TMTC2: variants seen among roughly 807,000 people sequenced by gnomAD.
The protein encoded by TMTC2 is protein O-mannosyl-transferase TMTC2.
TMTC2 carries 43 observed loss-of-function variants against 82.4 expected under a neutral mutation model. That is an observed-to-expected ratio of 0.52 (90% CI 0.41 to 0.67). The LOEUF is 0.67. TMTC2 is among the 30% of genes least tolerant of loss of function. The probability of loss-of-function intolerance (pLI) is 0.00; values close to 1 mark genes in which losing one functional copy is unlikely to be tolerated. For synonymous variants in TMTC2, 408 were observed against 381.9 expected, an observed-to-expected ratio of 1.07 and a Z score of -0.80; for missense variants, 919 against 1,012.4, an observed-to-expected ratio of 0.91 and a Z score of 1.25.
intron 1 of TMTC2, among the ~76,000 whole-genome samples, chr12:82,729,698 G>T (rs1874666376): frequency 6.6e-6 from 1 of 152,218 alleles, no homozygotes; most frequent in Admixed American, 6.5e-5. Flanking sequence ...GCAGGATGTG[G>T]GTGGGGCCAG....
intron 4 of TMTC2, among the ~76,000 whole-genome samples, chr12:82,932,254 G>A (rs938313483): frequency 3.9e-5 from 6 of 152,094 alleles, no homozygotes; most frequent in African/African-American, 7.2e-5. Flanking sequence ...GTTTAACCTC[G>A]TAGGCTTTAA....
In TMTC2 at chr12:82,967,016, C is replaced by T; in HGVS notation, c.1948+19C>T. The stretch of plus-strand genomic sequence containing the variant: ...ATGATGGGTAAGTAAAACATTAACA[C>T]TTTTAAATTGATATTTCAGGGACCT... On this transcript the variant is annotated intron_variant, in intron 7 of 11. Transcript: ENST00000321196. The T allele has an allele frequency of 6.3e-7, 1 of 1,589,862 alleles. No homozygotes were observed. Among genetic ancestry groups the T allele is most frequent in the Non-Finnish European group, 8.6e-7 (1 of 1,162,542 alleles).
chr12:82,796,666 C>A (rs896916709), intron 1 of TMTC2, among the ~76,000 whole-genome samples: 1 of 152,114 alleles, frequency 6.6e-6, no homozygotes, highest in African/African-American at 2.4e-5. Flanking sequence ...GCCTCCTCCT[C>A]AGCAGCCTCT....
chr12:83,038,373 C>T (rs531887537), intron 9 of TMTC2, among the ~76,000 whole-genome samples: 9 of 151,844 alleles, frequency 5.9e-5, no homozygotes, highest in African/African-American at 1.5e-4. Context: ...TAAATTATAA[C>T]GAATTCCCTC....
rs776234950 is a variant in TMTC2 at position 83,134,198 on chromosome 12, T to C, written c.*1809T>C. ...AAGTTAAATTATAACTAAATCACTG[T>C]GTTTTCAGAATGATATTTAACAACA... On this transcript the variant is annotated 3_prime_UTR_variant, in exon 12 of 12. Transcript: ENST00000321196. 3 of 152,532 alleles carry C rather than the reference T, an allele frequency of 2.0e-5. No individual in the cohort carries two copies. The highest frequency in any genetic ancestry group is 4.8e-5 in the African/African-American group (2 of 41,410). 9.4% of individuals were successfully genotyped at this position (152,532 alleles called of 1,614,324 possible). A position where few individuals can be genotyped will look rare whatever the true frequency, so the allele number is the denominator to read the frequency against.
At chr12:83,067,409 A>C (rs1037575122) in intron 11 of TMTC2, among the ~76,000 whole-genome samples, 2 of 152,022 alleles carry the variant, frequency 1.3e-5, no homozygotes, top group South Asian at 4.1e-4. Flanking sequence ...GTGTGTGTGC[A>C]TGTGAATATG....
intron 1 of TMTC2, among the ~76,000 whole-genome samples, chr12:82,815,149 ATTTC>A (rs1446722243): frequency 6.8e-6 from 1 of 146,114 alleles, no homozygotes; most frequent in Non-Finnish European, 1.5e-5. Context: ...TGGTTCATGC[ATTTC>A]TTTCTTTTAT....
intron 8 of TMTC2, among the ~76,000 whole-genome samples, chr12:83,011,799 T>C (rs1490016554): frequency 6.6e-6 from 1 of 152,234 alleles, no homozygotes; most frequent in East Asian, 1.9e-4. Context: ...CTTCCAGGCT[T>C]CTTATTGCAT....
chr12:82,766,270 A>G (rs897309846), intron 1 of TMTC2, among the ~76,000 whole-genome samples: 1 of 152,192 alleles, frequency 6.6e-6, no homozygotes, highest in Non-Finnish European at 1.5e-5. Flanking sequence ...TTCCTGGAAC[A>G]TAGCAAAGGC....
intron 11 of TMTC2, among the ~76,000 whole-genome samples, chr12:83,088,268 A>T (rs376758745): frequency 6.6e-6 from 1 of 152,216 alleles, no homozygotes; most frequent in African/African-American, 2.4e-5. Context: ...GGCTTAAGGG[A>T]ATTTTCCAGC....
chr12:83,047,166 T>C (rs528197453), intron 9 of TMTC2, among the ~76,000 whole-genome samples: 2 of 152,222 alleles, frequency 1.3e-5, no homozygotes, highest in Admixed American at 1.3e-4. Flanking sequence ...GAAGCCCAAT[T>C]AATAGTTTGA....
chr12:82,953,858 A>T (rs181911835), intron 4 of TMTC2, among the ~76,000 whole-genome samples: 16 of 151,736 alleles, frequency 1.1e-4, no homozygotes, highest in Admixed American at 7.2e-4. Flanking sequence ...AAAAACCCTT[A>T]GTTTCATAGT....
intron 7 of TMTC2, among the ~76,000 whole-genome samples, chr12:82,971,808 T>A (rs1878458400): frequency 3.1e-5 from 1 of 32,010 alleles, no homozygotes; most frequent in South Asian, 3.5e-3. Context: ...AACCTCTGTA[T>A]GCAAAAAAAA....
intron 11 of TMTC2, among the ~76,000 whole-genome samples, chr12:83,095,438 C>A (rs2137525896): frequency 6.6e-6 from 1 of 152,076 alleles, no homozygotes; most frequent in South Asian, 2.1e-4. Flanking sequence ...GATGGTGTTT[C>A]ACTGTGTTAG....
At position 83,004,142 on chromosome 12, in the gene TMTC2, C is replaced by A. The variant is rs374473041; in HGVS notation, c.2070+18096C>A. On this transcript the variant is annotated intron_variant, in intron 8 of 11. Transcript: ENST00000321196. ...TCTTTGAGCTCTGAGATTCTTTGCT[C>A]AGCTTGCCCTGTTGTGTTGTTAATG... Among the ~76,000 whole-genome samples the A allele has an allele frequency of 2.6e-5, 4 of 152,158 alleles. No individual in the cohort carries two copies. The East Asian group carries it at 5.8e-4, about 22-fold the overall frequency.
At chr12:82,879,005 A>AT (rs1565790255) in intron 2 of TMTC2, among the ~76,000 whole-genome samples, 1 of 152,222 alleles carries the variant, frequency 6.6e-6, no homozygotes, top group African/African-American at 2.4e-5. Flanking sequence ...CTTCCAACAC[A>AT]TATAGACATC....
At chr12:82,971,318 G>A (rs1272917862) in intron 7 of TMTC2, among the ~76,000 whole-genome samples, 1 of 151,892 alleles carries the variant, frequency 6.6e-6, no homozygotes, top group African/African-American at 2.4e-5. Flanking sequence ...TTAAAAATTA[G>A]CAAAAATTAA....
chr12:82,855,336 T>TGAATCCAGAGTTTTTCCA (rs1398268609), intron 1 of TMTC2, among the ~76,000 whole-genome samples: 6 of 152,202 alleles, frequency 3.9e-5, no homozygotes, highest in African/African-American at 4.8e-5. Flanking sequence ...ACGTTTTCCC[T>TGAATCCAGAGTTTTTCCA]GAATCCAGAG....
intron 11 of TMTC2, among the ~76,000 whole-genome samples, chr12:83,077,035 G>A (rs559036522): frequency 1.3e-5 from 2 of 152,288 alleles, no homozygotes; most frequent in South Asian, 4.1e-4. Flanking sequence ...TTTTATTAAA[G>A]ACTGTTATGA....
Sources: gnomAD v4.1 joint callset for allele counts (sites outside exome capture counted in the v4.1 genomes callset) on GRCh38, gnomAD v4.1.1 for gene constraint, MANE v1.5 for transcripts, NCBI Gene and HGNC (gene_info 2026-07-23, HGNC 2026-07-21) for gene names.